Variants in GRIP2 observed in about 807,000 individuals in gnomAD.
GRIP2 encodes the protein glutamate receptor interacting protein 2.
Under a neutral mutation model 108.3 loss-of-function variants are expected in GRIP2, and 58 were observed. That is an observed-to-expected ratio of 0.54 (90% CI 0.43 to 0.67). The LOEUF (loss-of-function observed/expected upper bound fraction) is 0.67. Among genes scored for constraint, GRIP2 ranks in the 30% least tolerant of loss-of-function variants. GRIP2 has a pLI of 0.00. For synonymous variants in GRIP2, 586 were observed against 598.2 expected, an observed-to-expected ratio of 0.98 and a Z score of 0.30; for missense variants, 1,278 against 1,430.6, an observed-to-expected ratio of 0.89 and a Z score of 1.72.
intron 1 of GRIP2, among the ~76,000 whole-genome samples, chr3:14,537,303 C>A (rs1478234788): frequency 6.6e-6 from 1 of 152,224 alleles, no homozygotes; most frequent in Non-Finnish European, 1.5e-5. Flanking sequence ...CTCAGGGAGG[C>A]CTTCCCCATC....
chr3:14,504,309 G>GTTTTTT (rs35560980), intron 20 of GRIP2, among the ~76,000 whole-genome samples: 4 of 121,582 alleles, frequency 3.3e-5, no homozygotes, highest in African/African-American at 3.3e-5. Context: ...GCACTTGCTT[G>GTTTTTT]TTTTTTTTTT....
the GRIP2 span, chr3:14,573,654 G>A: frequency 2.0e-6 from 3 of 1,503,412 alleles, no homozygotes; most frequent in Non-Finnish European, 2.8e-6. Flanking sequence ...GTCCATGTGG[G>A]GAAGGTTGGT....
At chr3:14,520,882 T>G in intron 7 of GRIP2, 1 of 264,372 alleles carries the variant, frequency 3.8e-6, no homozygotes, top group Non-Finnish European at 7.3e-6. Flanking sequence ...TCTCAGGAAA[T>G]GGCACCTCCA....
At chr3:14,590,606 G>A in the GRIP2 span, among the ~76,000 whole-genome samples, 1 of 152,198 alleles carries the variant, frequency 6.6e-6, no homozygotes, top group Non-Finnish European at 1.5e-5. Flanking sequence ...CATTTCAGGG[G>A]TCGCCCTGCC....
chr3:14,511,366 A>T lies in GRIP2; in HGVS notation c.1787+47T>A, dbSNP rs1459903768. On this transcript the variant is annotated intron_variant, in intron 15 of 23. Coordinates refer to ENST00000621039, the MANE Select transcript of GRIP2 (RefSeq NM_001080423.4). The surrounding 1 kb of genome is among the most constrained non-coding windows in gnomAD (Gnocchi z 4.1). ...GGAGCCTGGTGCATGCAGGTGCCAT[A>T]CTCACTGCTGTTGGCCACTTCCCTT... 5 of 1,613,704 alleles carry T rather than the reference A, an allele frequency of 3.1e-6. No individual in the cohort carries two copies. The highest frequency in any genetic ancestry group is 1.7e-5 in the Admixed American group (1 of 60,006).
intron 1 of GRIP2, among the ~76,000 whole-genome samples, chr3:14,526,140 T>A (rs930206576): frequency 3.3e-5 from 5 of 152,192 alleles, no homozygotes; most frequent in African/African-American, 1.2e-4. Flanking sequence ...CTGAGTAACA[T>A]TCTTTGAGCA....
At chr3:14,516,118 C>A (rs1400992043) in intron 11 of GRIP2, among the ~76,000 whole-genome samples, 1 of 152,186 alleles carries the variant, frequency 6.6e-6, no homozygotes, top group Non-Finnish European at 1.5e-5. Context: ...ACATCCCCCA[C>A]CTACGAACAG....
chr3:14,513,657 TCA>T lies in GRIP2; in HGVS notation c.1639+6_1639+7del. On this transcript the variant is annotated splice_donor_region_variant and intron_variant, in intron 13 of 23. Coordinates refer to ENST00000621039, the MANE Select transcript of GRIP2 (RefSeq NM_001080423.4). ...AATATGAGGAGGAAGCTTGGGCCAC[TCA>T]CTCACCCGCCACATCGAACTCCACC... The T allele has an allele frequency of 1.3e-6, 2 of 1,596,116 alleles. No individual in the cohort carries two copies. Among genetic ancestry groups the T allele is most frequent in the South Asian group, 1.1e-5 (1 of 87,974 alleles).
chr3:14,513,810 C>A lies in GRIP2; in HGVS notation c.1494G>T (p.Arg498Ser), dbSNP rs200719865. 3.7e-6 allele frequency: 6 copies of A among 1,612,398 alleles called. No individual in the cohort carries two copies. Among genetic ancestry groups the A allele is most frequent in the East Asian group, 2.2e-5 (1 of 44,866 alleles). ...CFIEPDSPAE[R>S]CGLLQVGDRV... ...GGTCCCCCACCTGCAGCAGCCCACA[C>A]CTGAACCCAGGGGGCCCGGCAGAGA... Residue 498 changes from arginine to serine, a missense_variant and splice_region_variant, in exon 13 of 24, where the codon AGG (arginine) becomes AGT (serine). Coordinates refer to ENST00000621039, the MANE Select transcript of GRIP2 (RefSeq NM_001080423.4).
intron 1 of GRIP2, among the ~76,000 whole-genome samples, chr3:14,535,853 G>A (rs1208295760): frequency 2.0e-5 from 3 of 152,196 alleles, no homozygotes; most frequent in African/African-American, 7.2e-5. Flanking sequence ...GCAGCCCCGG[G>A]GCTGTTCGGC....
At chr3:14,514,520 C>A (rs776586421) in intron 11 of GRIP2, 42 bp from the exon 12 acceptor site, 1 of 1,488,526 alleles carries the variant, frequency 6.7e-7, no homozygotes, top group East Asian at 2.5e-5. Flanking sequence ...AGCCGCCCCA[C>A]GGAGGTCTTC....
At chr3:14,510,600 G>A (rs149488188) in intron 16 of GRIP2, among the ~76,000 whole-genome samples, 2 of 151,964 alleles carry the variant, frequency 1.3e-5, no homozygotes, top group African/African-American at 4.8e-5. Flanking sequence ...GAAAAGAAAA[G>A]AAATCTACCT....
At chr3:14,493,883 G>A in intron 23 of GRIP2, 57 bp from the exon 24 acceptor site, 1 of 1,551,940 alleles carries the variant, frequency 6.4e-7, no homozygotes, top group Non-Finnish European at 8.8e-7. Context: ...CTGCGCTGAA[G>A]GGAGCAAGAG....
chr3:14,559,900 T>A (rs550784691), upstream of GRIP2, among the ~76,000 whole-genome samples: 1 of 152,228 alleles, frequency 6.6e-6, no homozygotes, highest in Non-Finnish European at 1.5e-5. Flanking sequence ...TCCAGCCCCA[T>A]CCCTGTGTCA....
rs996219830 is a variant in GRIP2, at chr3:14,505,506, G to A, written c.2573+109C>T. On this transcript the variant is annotated intron_variant, in intron 20 of 23. Transcript: ENST00000621039. The surrounding 1 kb of genome is among the most constrained non-coding windows in gnomAD (Gnocchi z 4.2). ...TCTCCCAGGAGGCACCCCTCCTCAG[G>A]AGCCCGCCAAGACTCTCCATTCCCC... is the stretch of plus-strand genomic sequence containing the variant. 1 of 1,262,422 alleles carries A rather than the reference G, an allele frequency of 7.9e-7. No individual in the cohort carries two copies. The highest frequency in any genetic ancestry group is 1.5e-5 in the African/African-American group (1 of 67,518). 78.2% of individuals were successfully genotyped at this position (1,262,422 alleles called of 1,614,324 possible).
upstream of GRIP2, among the ~76,000 whole-genome samples, chr3:14,544,406 T>C (rs1695026638): frequency 1.3e-5 from 2 of 152,152 alleles, no homozygotes; most frequent in African/African-American, 4.8e-5. Context: ...ACCAAGCCCA[T>C]GCTGCGCAGA....
intron 1 of GRIP2, among the ~76,000 whole-genome samples, chr3:14,527,831 G>T (rs1694605922): frequency 6.6e-6 from 1 of 152,112 alleles, no homozygotes; most frequent in African/African-American, 2.4e-5. Flanking sequence ...AGGAGGCGGA[G>T]GTTGCAGTGA....
chr3:14,527,367 T>TGAAAGGAAAG (rs776162593), intron 1 of GRIP2, among the ~76,000 whole-genome samples: 50 of 135,784 alleles, frequency 3.7e-4, no homozygotes, highest in Non-Finnish European at 4.0e-4. Flanking sequence ...TCTAATTACT[T>TGAAAGGAAAG]GAAAGGAAAG....
At chr3:14,573,223 T>A in the GRIP2 span, 1 of 1,405,288 alleles carries the variant, frequency 7.1e-7, no homozygotes, top group Non-Finnish European at 1.0e-6. Context: ...AAGAGCTCCA[T>A]GAAGAGGCAG....
Sources: gnomAD v4.1 joint callset for allele counts (sites outside exome capture counted in the v4.1 genomes callset) on GRCh38, gnomAD v4.1.1 for gene constraint, Gnocchi (gnomAD v3.1) non-coding constraint, MANE v1.5 for transcripts, NCBI Gene and HGNC (gene_info 2026-07-23, HGNC 2026-07-21) for gene names.